ATXN10: variants seen among roughly 807,000 people sequenced by gnomAD.
The protein encoded by ATXN10 is ataxin 10, also known as ataxin-10.
ATXN10 carries 28 observed loss-of-function variants against 52.9 expected under a neutral mutation model. The observed-to-expected ratio is 0.53, with a 90% CI of 0.39 to 0.73. ATXN10 has a LOEUF of 0.73. ATXN10 is among the 30% of genes least tolerant of loss of function. The pLI, the probability that ATXN10 is intolerant of heterozygous loss-of-function variation, is 0.00. For missense variants in ATXN10, 565 were observed against 577.0 expected (o/e 0.98, Z 0.21); for synonymous variants, 226 against 221.5 (o/e 1.02, Z -0.18).
At chr22:45,785,859 G>A (rs574387064) in intron 9 of ATXN10, among the ~76,000 whole-genome samples, 6 of 152,354 alleles carry the variant, frequency 3.9e-5, no homozygotes, top group African/African-American at 1.2e-4. Context: ...TGGACCAAAC[G>A]TGGGAAGATA....
intron 3 of ATXN10, among the ~76,000 whole-genome samples, chr22:45,693,815 GGGA>G (rs934210689): frequency 2.0e-5 from 3 of 152,152 alleles, no homozygotes; most frequent in Admixed American, 2.0e-4. Context: ...TGAAGACACA[GGGA>G]GAAGATGACC....
chr22:45,815,068 G>C (rs1235390689), intron 10 of ATXN10, among the ~76,000 whole-genome samples: 2 of 152,202 alleles, frequency 1.3e-5, no homozygotes, highest in African/African-American at 2.4e-5. Context: ...ATTCTTCAGA[G>C]CCCCAAAGTA....
At chr22:45,686,671 T>G (rs1923151249) in intron 1 of ATXN10, among the ~76,000 whole-genome samples, 1 of 151,976 alleles carries the variant, frequency 6.6e-6, no homozygotes, top group Admixed American at 6.6e-5. Flanking sequence ...ACAAAAAAAT[T>G]AGCCGGGCGT....
chr22:45,729,639 T>A, intron 7 of ATXN10, 49 bp downstream of exon 7: 7 of 1,598,996 alleles, frequency 4.4e-6, no homozygotes, highest in Non-Finnish European at 6.0e-6. Context: ...ATGGACAGAT[T>A]TTCTAACTCA....
chr22:45,739,735 G>C (rs1404931300), intron 8 of ATXN10, among the ~76,000 whole-genome samples: 1 of 152,184 alleles, frequency 6.6e-6, no homozygotes, highest in Non-Finnish European at 1.5e-5. Context: ...ATACCTTCCT[G>C]TATAGGTTTG....
In ATXN10 at chr22:45,702,756, A is replaced by G. The variant is rs781081008; in HGVS notation, c.556A>G (p.Asn186Asp). The G allele has an allele frequency of 7.4e-6, 12 of 1,613,920 alleles. No homozygotes were observed. The African/African-American group carries it at 1.6e-4, about 22-fold the overall frequency. ...YSSMILFTSL[N>D]HERMKELEEN... ...TTCAATGATTTTGTTTACATCCCTT[A>G]ATCATGAAAGAATGAAAGAACTGGA... The change falls in exon 5 of 12, where the codon AAT (asparagine) becomes GAT (aspartate). Residue 186 changes from asparagine (N) to aspartate (D), a missense_variant. Coordinates refer to ENST00000252934, the MANE Select transcript of ATXN10 (RefSeq NM_013236.4).
intron 6 of ATXN10, among the ~76,000 whole-genome samples, chr22:45,722,039 C>G (rs1266730138): frequency 1.3e-5 from 2 of 152,192 alleles, no homozygotes; most frequent in African/African-American, 4.8e-5. Flanking sequence ...GATTGAGAGA[C>G]AAAATTATGG....
In ATXN10 at chr22:45,789,634, AAG is replaced by A. The variant is rs375336573; in HGVS notation, c.1174-17320_1174-17319del. Among the ~76,000 whole-genome samples, 1 of 152,324 alleles carries A rather than the reference AAG, an allele frequency of 6.6e-6. No homozygotes were observed. Among genetic ancestry groups the A allele is most frequent in the Non-Finnish European group, 1.5e-5 (1 of 68,032 alleles). On this transcript the variant is annotated intron_variant, in intron 9 of 11. Transcript: ENST00000252934. This position sits in a 1 kb window ranked among gnomAD's most constrained non-coding sequence, Gnocchi z 4.0. ...ATACAGCTCTCTCCACGACAAGAAG[AAG>A]AGAGGGAGAGCCTTCTAACCCATCC...
chr22:45,725,573 T>C (rs1415885876), intron 6 of ATXN10, among the ~76,000 whole-genome samples: 1 of 152,090 alleles, frequency 6.6e-6, no homozygotes. Context: ...GGTAAAGTCT[T>C]TAGGGTTTTC....
At chr22:45,758,866 C>T (rs537701069) in intron 9 of ATXN10, among the ~76,000 whole-genome samples, 1 of 152,286 alleles carries the variant, frequency 6.6e-6, no homozygotes, top group South Asian at 2.1e-4. Flanking sequence ...CTGTGTTATG[C>T]ATACCAAGCT....
At chr22:45,720,210 G>A (rs1924596325) in intron 6 of ATXN10, among the ~76,000 whole-genome samples, 1 of 151,510 alleles carries the variant, frequency 6.6e-6, no homozygotes, top group Non-Finnish European at 1.5e-5. Flanking sequence ...TCTCTTTTTT[G>A]TCACAGCCCT....
intron 1 of ATXN10, among the ~76,000 whole-genome samples, chr22:45,682,163 AT>A (rs1411839649): frequency 2.6e-5 from 4 of 151,952 alleles, no homozygotes; most frequent in African/African-American, 9.7e-5. Flanking sequence ...CTCTCCCTCC[AT>A]TTCCCTGAGT....
intron 9 of ATXN10, chr22:45,793,922 G>A (rs902643628): frequency 8.4e-6 from 10 of 1,191,846 alleles, no homozygotes; most frequent in African/African-American, 3.1e-5. Flanking sequence ...TCCTTGCAGA[G>A]CAGGGCTGCC....
chr22:45,792,986 A>G, intron 9 of ATXN10: 1 of 302,556 alleles, frequency 3.3e-6, no homozygotes, highest in Non-Finnish European at 7.0e-6. Context: ...GAGCTTTTTT[A>G]GTTCCACCCA....
chr22:45,752,350 G>C (rs907547587), intron 9 of ATXN10, among the ~76,000 whole-genome samples: 2 of 152,180 alleles, frequency 1.3e-5, no homozygotes, highest in African/African-American at 4.8e-5. Context: ...TGACAGGATT[G>C]AGAGCCAGTA....
chr22:45,798,165 T>C (rs1002945923), intron 9 of ATXN10, among the ~76,000 whole-genome samples: 1 of 152,224 alleles, frequency 6.6e-6, no homozygotes, highest in African/African-American at 2.4e-5. Flanking sequence ...TCTCAACTTA[T>C]TTTATGAAGC....
At chr22:45,802,130 C>T (rs112327419) in intron 9 of ATXN10, among the ~76,000 whole-genome samples, 2 of 152,266 alleles carry the variant, frequency 1.3e-5, no homozygotes, top group African/African-American at 4.8e-5. Context: ...TATTTGTTGT[C>T]CTCTGTTTAC....
At position 45,750,712 on chromosome 22, in the gene ATXN10, C is replaced by T. The variant is rs1465243604; in HGVS notation, c.1173+10174C>T. On this transcript the variant is annotated intron_variant, in intron 9 of 11. Coordinates refer to ENST00000252934, the MANE Select transcript of ATXN10 (RefSeq NM_013236.4). This position sits in a 1 kb window ranked among gnomAD's most constrained non-coding sequence, Gnocchi z 4.2. Reference sequence around the variant, plus strand: ...AGGCTAAAATAATCAAAACAATTTACAAAAGTTTATAGGTTAGTGGAGGCA... The same window carrying T: ...AGGCTAAAATAATCAAAACAATTTATAAAAGTTTATAGGTTAGTGGAGGCA... Among the ~76,000 whole-genome samples, 2 of 152,026 alleles carry T rather than the reference C, an allele frequency of 1.3e-5. No homozygotes were observed. Among genetic ancestry groups the T allele is most frequent in the South Asian group, 2.1e-4 (1 of 4,826 alleles).
In ATXN10 at chr22:45,825,622, A is replaced by G. The variant is rs181943718; in HGVS notation, c.1238-17369A>G. ...TAGAGTCAGATGTCCCATTTAAAAA[A>G]CAATCATAAGGCATACATAAGAAAC... On this transcript the variant is annotated intron_variant, in intron 10 of 11. Transcript: ENST00000252934. The surrounding 1 kb of genome is among the most constrained non-coding windows in gnomAD (Gnocchi z 4.5). Among the ~76,000 whole-genome samples, 436 of 152,306 alleles carry G rather than the reference A, an allele frequency of 2.9e-3. 1 individual carries two copies. Among genetic ancestry groups the G allele is most frequent in the African/African-American group, 0.01 (423 of 41,568 alleles).
Sources: allele counts gnomAD v4.1 joint callset (sites outside exome capture counted in the v4.1 genomes callset), GRCh38; gene constraint gnomAD v4.1.1; non-coding constraint Gnocchi (gnomAD v3.1); transcripts MANE v1.5; gene names NCBI Gene and HGNC (gene_info 2026-07-23, HGNC 2026-07-21).